Variants in CLSTN2 observed in about 807,000 individuals in gnomAD.
CLSTN2 encodes the protein calsyntenin 2.
A neutral mutation model predicts 101.2 loss-of-function variants in CLSTN2; 48 were observed. The ratio of observed to expected loss-of-function variants is 0.47; its 90% CI spans 0.38 to 0.60. The LOEUF (loss-of-function observed/expected upper bound fraction) is 0.60. CLSTN2 is among the 20% of genes least tolerant of loss of function. The pLI is 0.00. For synonymous variants in CLSTN2, 481 were observed against 463.6 expected, an observed-to-expected ratio of 1.04 and a Z score of -0.48; for missense variants, 1,160 against 1,238.2, an observed-to-expected ratio of 0.94 and a Z score of 0.95.
chr3:140,441,152 G>A (rs534761032), intron 5 of CLSTN2, among the ~76,000 whole-genome samples: 2 of 152,336 alleles, frequency 1.3e-5, no homozygotes, highest in South Asian at 4.1e-4. Flanking sequence ...ATTCTTTTCT[G>A]GTTTTGACTC....
At chr3:140,392,565 G>C (rs1488887686) in intron 2 of CLSTN2, among the ~76,000 whole-genome samples, 1 of 152,048 alleles carries the variant, frequency 6.6e-6, no homozygotes, top group East Asian at 1.9e-4. Flanking sequence ...TTAAACTCTA[G>C]TTTCTTGGTC....
chr3:139,951,784 T>C (rs1306163252), intron 1 of CLSTN2, among the ~76,000 whole-genome samples: 1 of 152,146 alleles, frequency 6.6e-6, no homozygotes, highest in Admixed American at 6.5e-5. Flanking sequence ...AATAACATCA[T>C]TTGATGTTTA....
chr3:140,404,721 T>C lies in CLSTN2; in HGVS notation c.592T>C (p.Tyr198His). ...CSPQYSQICN[Y>H]EIVTTDVPFA... is the part of the protein sequence containing the mutation. ...CCCACAGTACAGCCAGATCTGCAAC[T>C]ATGAAATCGTCACCACAGATGTGCC... The change falls in exon 4 of 17, where the codon TAT (tyrosine) becomes CAT (histidine). Residue 198 changes from tyrosine (Y) to histidine (H), a missense_variant. Coordinates refer to ENST00000458420, the MANE Select transcript of CLSTN2 (RefSeq NM_022131.3). 1.2e-6 allele frequency: 2 copies of C among 1,614,206 alleles called. No individual in the cohort carries two copies. The highest frequency in any genetic ancestry group is 1.7e-6 in the Non-Finnish European group (2 of 1,180,032).
intron 2 of CLSTN2, among the ~76,000 whole-genome samples, chr3:140,343,729 T>C (rs947001964): frequency 6.6e-5 from 10 of 152,252 alleles, no homozygotes; most frequent in African/African-American, 1.9e-4. Context: ...AAGTTCTAGT[T>C]ACACTGAGTA....
rs541799862 is a variant in CLSTN2, at chr3:140,308,252, A to G, written c.233-95377A>G. On this transcript the variant is annotated intron_variant, in intron 2 of 16. Coordinates refer to ENST00000458420, the MANE Select transcript of CLSTN2 (RefSeq NM_022131.3). Reference sequence around the variant, plus strand: ...GAGAAAGAGTACAGGCTTCAGGGCCAGAGGGCCTCAGTTTTCCAGGCCACC... The same window carrying G: ...GAGAAAGAGTACAGGCTTCAGGGCCGGAGGGCCTCAGTTTTCCAGGCCACC... Among the ~76,000 whole-genome samples, 3 of 152,344 alleles carry G rather than the reference A, an allele frequency of 2.0e-5. No homozygotes were observed. The East Asian group carries it at 5.8e-4, about 29-fold the overall frequency.
chr3:140,523,960 C>CTCAA (rs1239713556), intron 8 of CLSTN2, among the ~76,000 whole-genome samples: 2 of 152,362 alleles, frequency 1.3e-5, no homozygotes, highest in African/African-American at 2.4e-5. Flanking sequence ...GACTCACTTT[C>CTCAA]TCAATCAGTC....
chr3:140,201,570 A>G (rs905407376), intron 2 of CLSTN2, among the ~76,000 whole-genome samples: 1 of 152,126 alleles, frequency 6.6e-6, no homozygotes, highest in African/African-American at 2.4e-5. Context: ...TGAGAGACTA[A>G]CTCTCAATGT....
intron 1 of CLSTN2, among the ~76,000 whole-genome samples, chr3:140,158,932 G>C (rs1385661989): frequency 6.6e-6 from 1 of 152,130 alleles, no homozygotes; most frequent in Admixed American, 6.6e-5. Flanking sequence ...ATGGGGGAAA[G>C]AACACCCTAT....
In CLSTN2 at chr3:140,563,984, GTCA is replaced by G. The variant is rs1935975385; in HGVS notation, c.2515_2517del (p.Ile839del). The G allele has an allele frequency of 1.9e-6, 3 of 1,613,936 alleles. No individual in the cohort carries two copies. The highest frequency in any genetic ancestry group is 1.7e-5 in the Admixed American group (1 of 59,990). Reference sequence around the variant, plus strand: ...AGTGGTCCCAAGCATTGCCACAGTGGTCATCATCATCTCCGTGTGCATGCTTGT... The same window carrying G: ...AGTGGTCCCAAGCATTGCCACAGTGGTCATCATCTCCGTGTGCATGCTTGT... On this transcript the variant is annotated inframe_deletion, in exon 16 of 17. Transcript: ENST00000458420.
At chr3:140,168,902 A>G (rs921112312) in intron 1 of CLSTN2, among the ~76,000 whole-genome samples, 2 of 152,108 alleles carry the variant, frequency 1.3e-5, no homozygotes, top group Non-Finnish European at 2.9e-5. Flanking sequence ...GTAGGTTTGC[A>G]GTAAGTTTCA....
chr3:140,517,080 A>G (rs1465471422), intron 8 of CLSTN2, among the ~76,000 whole-genome samples: 2 of 151,462 alleles, frequency 1.3e-5, no homozygotes, highest in Non-Finnish European at 3.0e-5. Context: ...CCTTGTCTTC[A>G]ATCCCTGAAG....
chr3:140,464,615 T>A (rs920343749), intron 7 of CLSTN2, among the ~76,000 whole-genome samples: 1 of 152,144 alleles, frequency 6.6e-6, no homozygotes, highest in Non-Finnish European at 1.5e-5. Context: ...TGTAGTAGAG[T>A]GAGGTTTGCC....
intron 5 of CLSTN2, among the ~76,000 whole-genome samples, chr3:140,444,493 C>A (rs1215261645): frequency 1.3e-5 from 2 of 151,834 alleles, no homozygotes; most frequent in African/African-American, 4.8e-5. Flanking sequence ...ATGGTTTTAT[C>A]ATTTGTGCAA....
intron 2 of CLSTN2, among the ~76,000 whole-genome samples, chr3:140,243,422 G>A (rs1321487877): frequency 1.3e-5 from 2 of 152,190 alleles, no homozygotes; most frequent in African/African-American, 4.8e-5. Flanking sequence ...TGAGACATCT[G>A]GGTTATATTG....
intron 5 of CLSTN2, among the ~76,000 whole-genome samples, chr3:140,433,043 G>T (rs994540375): frequency 6.6e-6 from 1 of 152,188 alleles, no homozygotes; most frequent in Admixed American, 6.5e-5. Flanking sequence ...CCATCTGTCT[G>T]CAGACATAGA....
At chr3:140,197,729 A>G (rs758371764) in intron 2 of CLSTN2, among the ~76,000 whole-genome samples, 3 of 152,216 alleles carry the variant, frequency 2.0e-5, no homozygotes, top group South Asian at 2.1e-4. Context: ...ACGTCCTACA[A>G]TATACAGGAT....
rs75156631 is a variant in CLSTN2, at chr3:140,176,495, C to G, written c.232+422C>G. On this transcript the variant is annotated intron_variant, in intron 2 of 16. Transcript: ENST00000458420. Reference sequence around the variant, plus strand: ...AGAGAAAAGAGAGAGAAAAAAAGACCAGGAAATATCTGCTAAGAGTGGCAC... The same window carrying G: ...AGAGAAAAGAGAGAGAAAAAAAGACGAGGAAATATCTGCTAAGAGTGGCAC... 3.3e-3 allele frequency among the ~76,000 whole-genome samples: 499 copies of G among 152,260 alleles called. 17 individuals carry two copies. The East Asian group carries it at 0.067, about 20-fold the overall frequency.
At chr3:140,378,750 T>C (rs1284560179) in intron 2 of CLSTN2, among the ~76,000 whole-genome samples, 1 of 152,200 alleles carries the variant, frequency 6.6e-6, no homozygotes, top group Non-Finnish European at 1.5e-5. Flanking sequence ...TGTGTGGCCT[T>C]GGGTGAGTCA....
intron 1 of CLSTN2, among the ~76,000 whole-genome samples, chr3:140,051,068 G>A (rs114010638): frequency 1.3e-5 from 2 of 152,326 alleles, no homozygotes; most frequent in South Asian, 2.1e-4. Flanking sequence ...GGGCCCGGGG[G>A]CTGGCCTGCC....
Sources: allele counts gnomAD v4.1 joint callset (sites outside exome capture counted in the v4.1 genomes callset), GRCh38; gene constraint gnomAD v4.1.1; transcripts MANE v1.5; gene names NCBI Gene and HGNC (gene_info 2026-07-23, HGNC 2026-07-21).